Variants in ARMC2 observed in about 807,000 individuals in gnomAD.
ARMC2 encodes armadillo repeat containing 2, also known as armadillo repeat-containing protein 2.
Under a neutral mutation model 90.3 loss-of-function variants are expected in ARMC2, and 67 were observed. The ratio of observed to expected loss-of-function variants is 0.74; its 90% confidence interval spans 0.61 to 0.91. ARMC2 has a LOEUF of 0.91. Ranked by LOEUF, ARMC2 falls within the 40% of genes least tolerant of loss-of-function variation. The probability of loss-of-function intolerance (pLI) is 0.00; values close to 1 mark genes in which losing one functional copy is unlikely to be tolerated. For synonymous variants in ARMC2, 393 were observed against 393.0 expected (o/e 1.00, Z 0.00); for missense variants, 920 against 1,030.9 (o/e 0.89, Z 1.47).
chr6:108,971,860 G>A (rs1379679234), intron 17 of ARMC2, among the ~76,000 whole-genome samples: 1 of 151,250 alleles, frequency 6.6e-6, no homozygotes, highest in East Asian at 1.9e-4. Context: ...GGCAGAGGTT[G>A]CAGTGAGCCG....
intron 13 of ARMC2, among the ~76,000 whole-genome samples, chr6:108,957,759 C>T (rs1395881273): frequency 3.3e-5 from 5 of 152,180 alleles, no homozygotes; most frequent in Non-Finnish European, 5.9e-5. Context: ...AACTGACCCT[C>T]TCAGTATGCC....
intron 5 of ARMC2, among the ~76,000 whole-genome samples, chr6:108,890,180 A>C (rs2128452875): frequency 1.9e-5 from 2 of 104,726 alleles, no homozygotes; most frequent in African/African-American, 4.0e-5. Flanking sequence ...ACAGAGCGAG[A>C]CTCCGTCTCA....
the ARMC2 span, among the ~76,000 whole-genome samples, chr6:109,034,447 ATTCT>A: frequency 6.6e-6 from 1 of 152,200 alleles, no homozygotes; most frequent in African/African-American, 2.4e-5. Context: ...TTATTTATCA[ATTCT>A]TTGAGTATCT....
the ARMC2 span, among the ~76,000 whole-genome samples, chr6:109,002,972 T>C: frequency 1.3e-5 from 2 of 152,132 alleles, no homozygotes; most frequent in South Asian, 4.1e-4. Flanking sequence ...ATCTTGCCCA[T>C]ATTATATTTT....
chr6:108,971,621 C>T (rs1778769857), intron 17 of ARMC2, among the ~76,000 whole-genome samples: 1 of 151,846 alleles, frequency 6.6e-6, no homozygotes, highest in African/African-American at 2.4e-5. Context: ...TTCATTGGCC[C>T]TTAAAAAAAA....
chr6:108,893,320 T>C (rs188162989), intron 5 of ARMC2, among the ~76,000 whole-genome samples: 1 of 152,216 alleles, frequency 6.6e-6, no homozygotes, highest in African/African-American at 2.4e-5. Context: ...AATTTAATTT[T>C]AAAAATGGAA....
intron 2 of ARMC2, chr6:108,856,348 G>A (rs1774609398): frequency 6.5e-6 from 1 of 153,144 alleles, no homozygotes; most frequent in Admixed American, 6.5e-5. Flanking sequence ...AGTTTTACTT[G>A]TTAATTTCTT....
chr6:108,952,938 TTAA>T, intron 12 of ARMC2, 92 bp from the exon 13 acceptor site: 1 of 1,181,966 alleles, frequency 8.5e-7, no homozygotes, highest in South Asian at 1.6e-5. Context: ...CATTTTACTA[TTAA>T]TGCAATTGTG....
rs1778213944 is a variant in ARMC2, at chr6:108,964,376, C to T, written c.2285+64C>T. 4.5e-6 allele frequency: 7 copies of T among 1,554,444 alleles called. No individual in the cohort carries two copies. The South Asian group carries it at 8.5e-5, about 19-fold the overall frequency. The stretch of plus-strand genomic sequence containing the variant: ...TTGAAGGACATCATTTTCTTGGGAG[C>T]TTTGGCCCTTTCATCATTCCTGTGG... On this transcript the variant is annotated intron_variant, in intron 16 of 17. Transcript: ENST00000392644.
At chr6:109,003,302 C>A in the ARMC2 span, among the ~76,000 whole-genome samples, 2 of 150,548 alleles carry the variant, frequency 1.3e-5, no homozygotes, top group South Asian at 4.2e-4. Context: ...ATTCTACTCT[C>A]TCCTTACTGC....
chr6:108,894,077 C>G (rs149415473), intron 5 of ARMC2, among the ~76,000 whole-genome samples: 1,741 of 152,252 alleles, frequency 0.011, 6 homozygotes, highest in South Asian at 0.031. Flanking sequence ...TCTTCAGAAA[C>G]TGTATATCGG....
At chr6:108,887,619 A>G (rs1028738991) in intron 5 of ARMC2, among the ~76,000 whole-genome samples, 23 of 152,228 alleles carry the variant, frequency 1.5e-4, no homozygotes, top group African/African-American at 5.5e-4. Flanking sequence ...ATGTGAGTCA[A>G]TAAATTGCAT....
chr6:108,884,053 T>C (rs1483636220), intron 5 of ARMC2, among the ~76,000 whole-genome samples: 1 of 152,234 alleles, frequency 6.6e-6, no homozygotes, highest in Non-Finnish European at 1.5e-5. Context: ...GAAGTCATTA[T>C]TCTTTTAAGA....
rs1176561523 is a variant in ARMC2 at position 108,876,239 on chromosome 6, A to G, written c.560A>G (p.His187Arg). The change falls in exon 5 of 18, where the codon CAC (histidine) becomes CGC (arginine). Residue 187 changes from histidine (H) to arginine (R), a missense_variant. Coordinates refer to ENST00000392644, the MANE Select transcript of ARMC2 (RefSeq NM_032131.6). ...TTAACAAAATCAAATGCTATTTGCC[A>G]CTTAAAGAGTCACCCACTTCAGCTA... Reference protein sequence around the residue: ...IYLTKSNAICHLKSHPLQLTD... With the variant: ...IYLTKSNAICRLKSHPLQLTD... 6.2e-7 allele frequency: 1 copy of G among 1,612,980 alleles called. No individual in the cohort carries two copies. Among genetic ancestry groups the G allele is most frequent in the African/African-American group, 1.3e-5 (1 of 75,034 alleles).
intron 5 of ARMC2, among the ~76,000 whole-genome samples, chr6:108,889,178 G>A (rs902688867): frequency 6.6e-6 from 1 of 152,082 alleles, no homozygotes; most frequent in African/African-American, 2.4e-5. Context: ...GCAGAGTCTT[G>A]CTCTTTCACC....
Position 108,901,098 on chromosome 6 carries a change from A to ATTTTTTTTT in ARMC2, c.847+1335_847+1343dup, listed in dbSNP as rs1173637475. 6.1e-4 allele frequency among the ~76,000 whole-genome samples: 36 copies of ATTTTTTTTT among 59,366 alleles called. 2 individuals are homozygous for ATTTTTTTTT. Among genetic ancestry groups the ATTTTTTTTT allele is most frequent in the African/African-American group, 1.8e-3 (26 of 14,244 alleles). The allele number at this position is 59,366 out of a possible 152,430, so 38.9% of individuals were successfully genotyped here. The stretch of plus-strand genomic sequence containing the variant: ...GAAGCCTTCCTACAGGAAAGAAGGA[A>ATTTTTTTTT]TTTTTTTTTTTTTTTTTTTTTTTTT... On this transcript the variant is annotated intron_variant, in intron 7 of 17. Coordinates refer to ENST00000392644, the MANE Select transcript of ARMC2 (RefSeq NM_032131.6).
chr6:108,951,196 G>A (rs746533984), intron 12 of ARMC2, among the ~76,000 whole-genome samples: 4 of 152,138 alleles, frequency 2.6e-5, no homozygotes, highest in Admixed American at 6.5e-5. Flanking sequence ...CCCCTTTCAC[G>A]TCTCGCTTCT....
intron 12 of ARMC2, among the ~76,000 whole-genome samples, chr6:108,948,440 AAAG>A (rs1271012475): frequency 6.6e-6 from 1 of 151,968 alleles, no homozygotes; most frequent in African/African-American, 2.4e-5. Context: ...GAGGGGAAAA[AAAG>A]AAAAGAAAAA....
downstream of ARMC2, among the ~76,000 whole-genome samples, chr6:108,977,992 A>G (rs529964187): frequency 1.3e-5 from 2 of 152,090 alleles, no homozygotes; most frequent in Admixed American, 6.6e-5. Context: ...TTATGTCTCT[A>G]TCACTTTCAG....
Sources: gnomAD v4.1 joint callset for allele counts (sites outside exome capture counted in the v4.1 genomes callset) on GRCh38, gnomAD v4.1.1 for gene constraint, MANE v1.5 for transcripts, NCBI Gene and HGNC (gene_info 2026-07-23, HGNC 2026-07-21) for gene names.